The following LRRIQ3 variants were observed in gnomAD, a reference collection of about 807,000 sequenced individuals.
LRRIQ3 encodes the protein leucine rich repeats and IQ motif containing 3, also known as leucine-rich repeat and IQ domain-containing protein 3.
A neutral mutation model predicts 59.3 loss-of-function variants in LRRIQ3; 75 were observed. The ratio of observed to expected loss-of-function variants is 1.26; its 90% CI spans 1.05 to 1.53. The LOEUF (loss-of-function observed/expected upper bound fraction) is 1.53, where lower values mean the gene tolerates loss of function less well. LRRIQ3 is among the 40% of genes most tolerant of loss of function. LRRIQ3 has a pLI of 0.00. For missense variants in LRRIQ3, 831 were observed against 710.0 expected (o/e 1.17, Z -1.94); for synonymous variants, 250 against 231.3 (o/e 1.08, Z -0.73).
chr1:74,126,161 T>C (rs989585872), intron 4 of LRRIQ3, among the ~76,000 whole-genome samples: 13 of 151,918 alleles, frequency 8.6e-5, no homozygotes, highest in Admixed American at 1.3e-4. Flanking sequence ...TCGTATCAAC[T>C]AATAATCTTT....
At chr1:74,068,533 A>G (rs1667057779) in intron 6 of LRRIQ3, among the ~76,000 whole-genome samples, 1 of 152,110 alleles carries the variant, frequency 6.6e-6, no homozygotes, top group African/African-American at 2.4e-5. Context: ...GGTGCTTATA[A>G]TTACAAAATA....
chr1:74,114,956 G>A (rs1251420405), intron 4 of LRRIQ3, among the ~76,000 whole-genome samples: 1 of 151,566 alleles, frequency 6.6e-6, no homozygotes, highest in Non-Finnish European at 1.5e-5. Flanking sequence ...ACAATTATAT[G>A]ATTAATTTTA....
intron 5 of LRRIQ3, among the ~76,000 whole-genome samples, chr1:74,107,734 C>G (rs1006948725): frequency 6.6e-6 from 1 of 150,874 alleles, no homozygotes; most frequent in Non-Finnish European, 1.5e-5. Context: ...ATAAAACTTA[C>G]AATTAAAAAT....
At chr1:74,123,491 C>G (rs1318624257) in intron 4 of LRRIQ3, among the ~76,000 whole-genome samples, 1 of 151,888 alleles carries the variant, frequency 6.6e-6, no homozygotes, top group African/African-American at 2.4e-5. Flanking sequence ...CATTCTATCT[C>G]TACTTCCATG....
chr1:74,196,897 G>C (rs10789391), intron 1 of LRRIQ3, among the ~76,000 whole-genome samples: 48,414 of 151,764 alleles, frequency 0.32, 9,236 homozygotes, highest in East Asian at 0.73. Context: ...TCCTATCTCC[G>C]AGTGATCTCT....
intron 4 of LRRIQ3, among the ~76,000 whole-genome samples, chr1:74,153,531 C>T (rs1648114888): frequency 6.6e-6 from 1 of 152,152 alleles, no homozygotes; most frequent in African/African-American, 2.4e-5. Context: ...TTTCAGCTCC[C>T]ACTGTCTCTC....
At chr1:74,135,016 C>T (rs555086118) in intron 4 of LRRIQ3, among the ~76,000 whole-genome samples, 38 of 151,914 alleles carry the variant, frequency 2.5e-4, no homozygotes, top group African/African-American at 8.7e-4. Context: ...ACAAAAGAAA[C>T]TTTAAAATTC....
At position 74,026,078 on chromosome 1, in the gene LRRIQ3, C is replaced by T. The variant is rs1653505486; in HGVS notation, c.*735G>A. The T allele has an allele frequency of 1.3e-5, 2 of 151,980 alleles. No individual in the cohort carries two copies. Among genetic ancestry groups the T allele is most frequent in the East Asian group, 1.9e-4 (1 of 5,176 alleles). The allele number at this position is 151,980 out of a possible 1,614,324, so 9.4% of individuals were successfully genotyped here. ...CTACCATTGGTATGTATTAAACAGA[C>T]TTATGGTTAATATATACCATTTCTG... is the stretch of plus-strand genomic sequence containing the variant. On this transcript the variant is annotated 3_prime_UTR_variant, in exon 8 of 8. Transcript: ENST00000354431.
chr1:74,084,283 T>A, intron 5 of LRRIQ3: 1 of 1,454,080 alleles, frequency 6.9e-7, no homozygotes, highest in South Asian at 1.3e-5. Flanking sequence ...AGGTGTACCA[T>A]TAGTTAACAA....
intron 6 of LRRIQ3, among the ~76,000 whole-genome samples, chr1:74,061,191 A>G (rs1389849693): frequency 6.6e-6 from 1 of 152,168 alleles, no homozygotes; most frequent in African/African-American, 2.4e-5. Flanking sequence ...AATAGCCACA[A>G]AAAGAATGAA....
chr1:74,172,818 A>T (rs1649407516), intron 3 of LRRIQ3, among the ~76,000 whole-genome samples: 1 of 151,760 alleles, frequency 6.6e-6, no homozygotes, highest in Admixed American at 6.6e-5. Flanking sequence ...TTATTTGATG[A>T]CCTCCTTTGT....
chr1:74,082,373 G>A (rs180862931), intron 5 of LRRIQ3: 21 of 151,464 alleles, frequency 1.4e-4, no homozygotes, highest in African/African-American at 3.6e-4. Context: ...AGAGACATAC[G>A]TATATGAGTA....
Position 74,041,455 on chromosome 1 carries a change from G to C in LRRIQ3, c.1476C>G (p.Asn492Lys). 1 of 1,613,540 alleles carries C rather than the reference G, an allele frequency of 6.2e-7. No individual in the cohort carries two copies. The change falls in exon 7 of 8, where the codon AAC (asparagine) becomes AAG (lysine). Residue 492 changes from asparagine to lysine, a missense_variant. Transcript: ENST00000354431. ...SLRQVWQNRF[N>K]YLEKARERKA... Reference sequence around the variant, plus strand: ...TTCTCTCTCTAGCTTTTTCAAGGTAGTTGAATCTGTTTTGCCAAACTTGTC... The same window carrying C: ...TTCTCTCTCTAGCTTTTTCAAGGTACTTGAATCTGTTTTGCCAAACTTGTC...
intron 4 of LRRIQ3, among the ~76,000 whole-genome samples, chr1:74,125,126 T>C (rs1646916978): frequency 6.6e-6 from 1 of 151,896 alleles, no homozygotes; most frequent in Admixed American, 6.6e-5. Flanking sequence ...CTATTGTTAA[T>C]GGGATTAATT....
intron 5 of LRRIQ3, among the ~76,000 whole-genome samples, chr1:74,086,862 T>C (rs1008377519): frequency 2.9e-4 from 44 of 152,194 alleles, no homozygotes; most frequent in Admixed American, 1.3e-3. Context: ...ACTCCTGTAA[T>C]CTATAATCCT....
intron 4 of LRRIQ3, among the ~76,000 whole-genome samples, chr1:74,111,494 C>A (rs1170064166): frequency 6.6e-6 from 1 of 151,992 alleles, no homozygotes; most frequent in Admixed American, 6.6e-5. Flanking sequence ...AAAGTCATTG[C>A]AGAGCTTTGA....
At chr1:74,084,985 A>C (rs1400734878) in intron 5 of LRRIQ3, among the ~76,000 whole-genome samples, 5 of 151,738 alleles carry the variant, frequency 3.3e-5, no homozygotes, top group Non-Finnish European at 7.4e-5. Flanking sequence ...CAAGAAAATC[A>C]GTTTTATTTC....
intron 5 of LRRIQ3, among the ~76,000 whole-genome samples, chr1:74,094,563 A>G (rs964498698): frequency 6.6e-6 from 1 of 152,148 alleles, no homozygotes; most frequent in African/African-American, 2.4e-5. Flanking sequence ...TTAGTCAAGT[A>G]AAGCCAATTT....
chr1:74,110,219 A>G (rs1005247103), intron 4 of LRRIQ3, among the ~76,000 whole-genome samples: 2 of 151,904 alleles, frequency 1.3e-5, no homozygotes, highest in Non-Finnish European at 2.9e-5. Context: ...CAAAGAAAGG[A>G]TGTAATCTTT....
Sources: allele counts gnomAD v4.1 joint callset (sites outside exome capture counted in the v4.1 genomes callset), GRCh38; gene constraint gnomAD v4.1.1; transcripts MANE v1.5; gene names NCBI Gene and HGNC (gene_info 2026-07-23, HGNC 2026-07-21).